The following KCNK10 variants were observed in gnomAD, a reference collection of about 807,000 sequenced individuals.
The protein encoded by KCNK10 is potassium channel subfamily K member 10.
KCNK10 carries 25 observed loss-of-function variants against 47.7 expected under a neutral mutation model. The observed-to-expected ratio is 0.52, with a 90% CI of 0.38 to 0.73. KCNK10 has a LOEUF of 0.73. Among genes scored for constraint, KCNK10 ranks in the 30% least tolerant of loss-of-function variants. The pLI is 0.00. For missense variants in KCNK10, 563 were observed against 714.5 expected, an observed-to-expected ratio of 0.79 and a Z score of 2.42; for synonymous variants, 303 against 285.6, an observed-to-expected ratio of 1.06 and a Z score of -0.61.
At chr14:88,218,638 A>G (rs1009716577) in intron 4 of KCNK10, among the ~76,000 whole-genome samples, 1 of 152,130 alleles carries the variant, frequency 6.6e-6, no homozygotes, top group African/African-American at 2.4e-5. Flanking sequence ...CCGAGCCGGA[A>G]AAAAAGAAGC....
chr14:88,318,592 C>T (rs966189382), intron 1 of KCNK10, among the ~76,000 whole-genome samples: 6 of 152,144 alleles, frequency 3.9e-5, no homozygotes, highest in African/African-American at 9.7e-5. Flanking sequence ...GAGCCAACTA[C>T]GTGAAATGCA....
intron 4 of KCNK10, among the ~76,000 whole-genome samples, chr14:88,205,972 T>C (rs1885261623): frequency 6.6e-6 from 1 of 152,214 alleles, no homozygotes; most frequent in Non-Finnish European, 1.5e-5. Flanking sequence ...TGACAGGATT[T>C]TATAATTTGG....
intron 4 of KCNK10, among the ~76,000 whole-genome samples, chr14:88,224,920 T>C (rs555874675): frequency 6.6e-6 from 1 of 152,304 alleles, no homozygotes; most frequent in South Asian, 2.1e-4. Flanking sequence ...GAAAGCCAAC[T>C]TTAGATTTTA....
chr14:88,276,085 C>T (rs1243367591), intron 1 of KCNK10, among the ~76,000 whole-genome samples: 1 of 152,066 alleles, frequency 6.6e-6, no homozygotes, highest in African/African-American at 2.4e-5. Context: ...ACCACAAGAA[C>T]TGTCTCAATA....
chr14:88,313,929 T>C (rs1888376553), intron 1 of KCNK10, among the ~76,000 whole-genome samples: 2 of 152,232 alleles, frequency 1.3e-5, no homozygotes, highest in Admixed American at 1.3e-4. Flanking sequence ...GAGTATCTGA[T>C]GAGTCTAGCT....
At chr14:88,258,058 C>A (rs1887008260) in intron 2 of KCNK10, among the ~76,000 whole-genome samples, 1 of 151,988 alleles carries the variant, frequency 6.6e-6, no homozygotes. Context: ...TCCCCGGTGA[C>A]CCCACCCCAT....
At chr14:88,283,509 C>A (rs1887697246) in intron 1 of KCNK10, among the ~76,000 whole-genome samples, 1 of 152,168 alleles carries the variant, frequency 6.6e-6, no homozygotes, top group African/African-American at 2.4e-5. Flanking sequence ...AAATATCCAA[C>A]AGCAATGTGG....
At position 88,257,247 on chromosome 14, in the gene KCNK10, A is replaced by T. The variant is rs187887296; in HGVS notation, c.402+5955T>A. Among the ~76,000 whole-genome samples the T allele has an allele frequency of 5.3e-5, 8 of 152,030 alleles. No homozygotes were observed. The East Asian group carries it at 1.5e-3, about 29-fold the overall frequency. ...TGCTAAAAGGTTTTTTCAGCAGCCA[A>T]TTTCCATCTTCCAAGCCTCGCTTAA... On this transcript the variant is annotated intron_variant, in intron 2 of 6. Transcript: ENST00000319231.
intron 5 of KCNK10, among the ~76,000 whole-genome samples, chr14:88,190,332 T>C (rs530182844): frequency 5.3e-5 from 8 of 152,286 alleles, no homozygotes; most frequent in Non-Finnish European, 8.8e-5. Flanking sequence ...TACTTAAAGA[T>C]GTTTGTGAAA....
At chr14:88,244,335 G>A (rs1011481593) in intron 2 of KCNK10, among the ~76,000 whole-genome samples, 2 of 152,038 alleles carry the variant, frequency 1.3e-5, no homozygotes, top group African/African-American at 2.4e-5. Context: ...AATTGTTTGA[G>A]CTCAAGTAAA....
At chr14:88,270,727 T>C in intron 1 of KCNK10, 1 of 780,946 alleles carries the variant, frequency 1.3e-6, no homozygotes, top group Non-Finnish European at 2.4e-6. Flanking sequence ...CAGAACCCCA[T>C]CTTCTCTCAC....
intron 1 of KCNK10, among the ~76,000 whole-genome samples, chr14:88,292,302 C>G (rs143963582): frequency 2.6e-5 from 4 of 152,302 alleles, no homozygotes; most frequent in Non-Finnish European, 5.9e-5. Flanking sequence ...TGTCTCAGGC[C>G]AGGCCTGGCC....
intron 1 of KCNK10, among the ~76,000 whole-genome samples, chr14:88,288,593 G>A (rs1197954113): frequency 1.3e-5 from 2 of 152,054 alleles, no homozygotes; most frequent in Non-Finnish European, 2.9e-5. Flanking sequence ...TCCCTCCACT[G>A]CATGCTGAAA....
At chr14:88,277,032 C>G (rs1315555750) in intron 1 of KCNK10, among the ~76,000 whole-genome samples, 1 of 152,104 alleles carries the variant, frequency 6.6e-6, no homozygotes. Flanking sequence ...ATTTTTAAAC[C>G]ATTTCTGTAG....
chr14:88,230,610 G>A (rs1270727949), intron 3 of KCNK10, among the ~76,000 whole-genome samples: 2 of 152,186 alleles, frequency 1.3e-5, no homozygotes, highest in Non-Finnish European at 2.9e-5. Context: ...CAGTCTGTCT[G>A]CGCAGGCAGG....
At chr14:88,272,797 T>G (rs748691631) in intron 1 of KCNK10, among the ~76,000 whole-genome samples, 2 of 151,914 alleles carry the variant, frequency 1.3e-5, no homozygotes, top group Non-Finnish European at 2.9e-5. Context: ...TTTACTGGAA[T>G]GTATTATGAG....
intron 4 of KCNK10, among the ~76,000 whole-genome samples, chr14:88,209,359 G>GT (rs1885383237): frequency 6.6e-6 from 1 of 152,158 alleles, no homozygotes; most frequent in African/African-American, 2.4e-5. Flanking sequence ...TAGAATCTGC[G>GT]TATGTGGTAA....
chr14:88,210,269 C>G (rs1164173995), intron 4 of KCNK10, among the ~76,000 whole-genome samples: 1 of 152,192 alleles, frequency 6.6e-6, no homozygotes, highest in Non-Finnish European at 1.5e-5. Context: ...CTGCCCTAGC[C>G]CTGGTATCAT....
intron 1 of KCNK10, among the ~76,000 whole-genome samples, chr14:88,284,723 T>C (rs1296733634): frequency 1.3e-5 from 2 of 152,116 alleles, no homozygotes; most frequent in African/African-American, 4.8e-5. Flanking sequence ...CCCACCCAGA[T>C]TAAGGGTGGG....
Sources: allele counts gnomAD v4.1 joint callset (sites outside exome capture counted in the v4.1 genomes callset), GRCh38; gene constraint gnomAD v4.1.1; transcripts MANE v1.5; gene names NCBI Gene and HGNC (gene_info 2026-07-23, HGNC 2026-07-21).